The following AHSG variants were observed in gnomAD, a reference collection of about 807,000 sequenced individuals.
AHSG encodes alpha 2-HS glycoprotein.
AHSG carries 23 observed loss-of-function variants against 30.1 expected under a neutral mutation model. That is an observed-to-expected ratio of 0.76 (90% CI 0.55 to 1.08). AHSG has a LOEUF of 1.08. AHSG is among the 50% of genes least tolerant of loss of function. The pLI, the probability that AHSG is intolerant of heterozygous loss-of-function variation, is 0.00. For synonymous variants in AHSG, 164 were observed against 186.3 expected (o/e 0.88, Z 0.98); for missense variants, 469 against 459.5 (o/e 1.02, Z -0.19).
At chr3:186,618,442 T>C in intron 4 of AHSG, 94 bp from the exon 5 acceptor site, 1 of 1,555,048 alleles carries the variant, frequency 6.4e-7, no homozygotes, top group South Asian at 1.2e-5. Context: ...GCATGAATGG[T>C]GCTCCCCGAA....
intron 5 of AHSG, among the ~76,000 whole-genome samples, chr3:186,619,067 C>A (rs779922244): frequency 2.1e-4 from 32 of 152,108 alleles, no homozygotes; most frequent in Non-Finnish European, 3.2e-4. Context: ...GAGGCCAAGA[C>A]GGGTGGATCG....
Position 186,618,638 on chromosome 3 carries a change from GT to G in AHSG, c.675+2del. ...CAAGTGTAACCTGCTGGCAGAAAAG[GT>G]GAGTGGGCCGGGACCTTGGGGTGTT... On this transcript the variant is annotated splice_donor_variant, in intron 5 of 6. Coordinates refer to ENST00000411641, the MANE Select transcript of AHSG (RefSeq NM_001622.4). LOFTEE classifies it high-confidence loss of function. 1 of 1,613,914 alleles carries G rather than the reference GT, an allele frequency of 6.2e-7. No homozygotes were observed. The highest frequency in any genetic ancestry group is 8.5e-7 in the Non-Finnish European group (1 of 1,179,844).
Position 186,613,368 on chromosome 3 carries a change from C to T in AHSG, c.213+14C>T. On this transcript the variant is annotated intron_variant, in intron 1 of 6. Transcript: ENST00000411641. ...GTGTGGCCTCAGGTAAGTGGACCTG[C>T]TGTCTATGAGCTGAAATAATGTGTA... The T allele has an allele frequency of 6.3e-7, 1 of 1,599,606 alleles. No individual in the cohort carries two copies. The highest frequency in any genetic ancestry group is 8.5e-7 in the Non-Finnish European group (1 of 1,171,502).
chr3:186,613,106 C>T lies in AHSG; in HGVS notation c.-36C>T, dbSNP rs1195681211. The T allele has an allele frequency of 6.2e-7, 1 of 1,607,084 alleles. No homozygotes were observed. Among genetic ancestry groups the T allele is most frequent in the Non-Finnish European group, 8.5e-7 (1 of 1,174,984 alleles). On this transcript the variant is annotated 5_prime_UTR_variant, in exon 1 of 7. Coordinates refer to ENST00000411641, the MANE Select transcript of AHSG (RefSeq NM_001622.4). ...CTGGGTTGGTCCCGAAGCCTCCAACCACCTGCACGCCTGCCAGGGCCTCTC... is the reference window on the plus strand; with the variant it reads ...CTGGGTTGGTCCCGAAGCCTCCAACTACCTGCACGCCTGCCAGGGCCTCTC...
intron 4 of AHSG, chr3:186,618,004 G>T: frequency 6.2e-6 from 1 of 160,028 alleles, no homozygotes; most frequent in Non-Finnish European, 1.4e-5. Context: ...CCAAATAACA[G>T]ATATTTTATT....
rs1716481317 is a variant in AHSG at position 186,621,088 on chromosome 3, C to T, written c.*158C>T. 2 of 699,016 alleles carry T rather than the reference C, an allele frequency of 2.9e-6. No individual in the cohort carries two copies. Among genetic ancestry groups the T allele is most frequent in the Admixed American group, 5.6e-5 (2 of 35,912 alleles). 43.3% of individuals were successfully genotyped at this position (699,016 alleles called of 1,614,324 possible). ...CTTGACTCCCTACTTCCCGTCATTC[C>T]TCACAGGACAGAAGCAGAGTGGGTG... On this transcript the variant is annotated 3_prime_UTR_variant, in exon 7 of 7. Coordinates refer to ENST00000411641, the MANE Select transcript of AHSG (RefSeq NM_001622.4).
chr3:186,620,985 G>C lies in AHSG; in HGVS notation c.*55G>C. On this transcript the variant is annotated 3_prime_UTR_variant, in exon 7 of 7. Transcript: ENST00000411641. ...GCACAGAAAACATAGCCACCATTTT[G>C]TCCAAGCCTGGGCATGGGTGGGGGG... 1 of 1,548,496 alleles carries C rather than the reference G, an allele frequency of 6.5e-7. No individual in the cohort carries two copies. Among genetic ancestry groups the C allele is most frequent in the Middle Eastern group, 1.7e-4 (1 of 5,860 alleles).
At chr3:186,615,162 A>G (rs1716259626) in intron 1 of AHSG, among the ~76,000 whole-genome samples, 1 of 151,912 alleles carries the variant, frequency 6.6e-6, no homozygotes. Context: ...GGAGGAAGGA[A>G]GGAAAGCAAA....
intron 3 of AHSG, 36 bp from the exon 4 acceptor site, chr3:186,617,151 T>G (rs747538289): frequency 6.3e-7 from 1 of 1,584,342 alleles, no homozygotes; most frequent in Admixed American, 1.7e-5. Context: ...CCAGGGAGAA[T>G]GGCTGCCCAC....
Position 186,615,792 on chromosome 3 carries a change from G to C in AHSG, c.321G>C (p.Glu107Asp). The change falls in exon 2 of 7, where the codon GAG (glutamate) becomes GAC (aspartate). Residue 107 changes from glutamate (E) to aspartate (D), a missense_variant. Coordinates refer to ENST00000411641, the MANE Select transcript of AHSG (RefSeq NM_001622.4). ...VARCSVRQLKEHAVEGDCDFQ... is the reference protein window; with the variant it reads ...VARCSVRQLKDHAVEGDCDFQ... ...GATGCAGCGTGAGGCAGCTGAAGGA[G>C]CATGTGAGTACCCTTCTTAGGATGA... is the stretch of plus-strand genomic sequence containing the variant. The C allele has an allele frequency of 6.2e-7, 1 of 1,613,770 alleles. No individual in the cohort carries two copies. Among genetic ancestry groups the C allele is most frequent in the Non-Finnish European group, 8.5e-7 (1 of 1,179,622 alleles).
chr3:186,618,465 C>T, intron 4 of AHSG, 71 bp from the exon 5 acceptor site: 1 of 1,584,768 alleles, frequency 6.3e-7, no homozygotes, highest in African/African-American at 1.3e-5. Context: ...AGGCTACTTC[C>T]CGCTCTCCTT....
chr3:186,620,799 TC>T lies in AHSG; in HGVS notation c.974del (p.Ser325TyrfsTer85). The T allele has an allele frequency of 6.2e-7, 1 of 1,614,184 alleles. No homozygotes were observed. The highest frequency in any genetic ancestry group is 8.5e-7 in the Non-Finnish European group (1 of 1,180,036). ...GCGCCACACCTTCATGGGTGTGGTC[TC>T]ATTGGGGTCACCCTCAGGAGAAGTG... is the stretch of plus-strand genomic sequence containing the variant. Reference protein sequence around the residue: ...DLRHTFMGVVSLGSPSGEVSH... With the variant: ...DLRHTFMGVVXLGSPSGEVSH... On this transcript the variant is annotated frameshift_variant, in exon 7 of 7. Coordinates refer to ENST00000411641, the MANE Select transcript of AHSG (RefSeq NM_001622.4). LOFTEE classifies it low-confidence loss of function (END_TRUNC).
intron 6 of AHSG, 81 bp downstream of exon 6, chr3:186,620,021 C>A (rs1053998057): frequency 2.9e-6 from 3 of 1,049,964 alleles, no homozygotes; most frequent in Non-Finnish European, 1.4e-6. Flanking sequence ...GTAGTGATGA[C>A]AGGACATTTG....
At chr3:186,618,143 C>T (rs1716366218) in intron 4 of AHSG, among the ~76,000 whole-genome samples, 1 of 152,166 alleles carries the variant, frequency 6.6e-6, no homozygotes, top group Non-Finnish European at 1.5e-5. Context: ...CTTCACTTTC[C>T]CACCCTATTT....
Position 186,618,412 on chromosome 3 carries a change from T to C in AHSG, c.574-124T>C, listed in dbSNP as rs370125869. The stretch of plus-strand genomic sequence containing the variant: ...ATGTAAGCCATTGAGGGACATGTCT[T>C]CTGGGCCGACGCATGGTCTGCATGA... On this transcript the variant is annotated intron_variant, in intron 4 of 6. Coordinates refer to ENST00000411641, the MANE Select transcript of AHSG (RefSeq NM_001622.4). 8.9e-6 allele frequency: 13 copies of C among 1,466,748 alleles called. No individual in the cohort carries two copies. The African/African-American group carries it at 9.8e-5, about 11-fold the overall frequency. 90.9% of individuals were successfully genotyped at this position (1,466,748 alleles called of 1,614,324 possible).
Position 186,613,274 on chromosome 3 carries a change from A to G in AHSG, c.133A>G (p.Ile45Val), listed in dbSNP as rs775522111. The G allele has an allele frequency of 4.3e-6, 7 of 1,614,218 alleles. 1 individual carries two copies. The South Asian group carries it at 7.7e-5, about 18-fold the overall frequency. Residue 45 changes from isoleucine (I) to valine (V), a missense_variant, in exon 1 of 7, where the codon ATA (isoleucine) becomes GTA (valine). Transcript: ENST00000411641. The part of the protein sequence containing the change: ...PETEEAALVA[I>V]DYINQNLPWG... The stretch of plus-strand genomic sequence containing the variant: ...AACTGAGGAAGCAGCTCTGGTGGCT[A>G]TAGACTACATCAATCAAAACCTTCC...
At chr3:186,618,196 G>A (rs1275857888) in intron 4 of AHSG, among the ~76,000 whole-genome samples, 2 of 152,192 alleles carry the variant, frequency 1.3e-5, no homozygotes, top group African/African-American at 4.8e-5. Context: ...GCCCAAGAGT[G>A]AGGGCTGGGG....
rs1453949622 is a variant in AHSG at position 186,617,317 on chromosome 3, T to G, written c.540T>G (p.Phe180Leu). 1 of 1,614,198 alleles carries G rather than the reference T, an allele frequency of 6.2e-7. No homozygotes were observed. Among genetic ancestry groups the G allele is most frequent in the South Asian group, 1.1e-5 (1 of 91,084 alleles). ...AFNAQNNGSNFQLEEISRAQL... is the reference protein window; with the variant it reads ...AFNAQNNGSNLQLEEISRAQL... ...ACGCTCAGAACAACGGCTCCAATTT[T>G]CAGCTGGAGGAAATTTCCCGGGCTC... The change falls in exon 4 of 7, where the codon TTT becomes TTG. Residue 180 changes from phenylalanine to leucine, a missense_variant. Physicochemically the swap from Phe to Leu is conservative, Grantham distance 22. Transcript: ENST00000411641.
intron 1 of AHSG, 29 bp from the exon 2 acceptor site, chr3:186,615,656 G>A: frequency 6.3e-7 from 1 of 1,585,464 alleles, no homozygotes; most frequent in Non-Finnish European, 8.7e-7. Flanking sequence ...GGAATAGGTT[G>A]CTCACGGCTT....
Sources: allele counts gnomAD v4.1 joint callset (sites outside exome capture counted in the v4.1 genomes callset), GRCh38; gene constraint gnomAD v4.1.1; transcripts MANE v1.5; gene names NCBI Gene and HGNC (gene_info 2026-07-23, HGNC 2026-07-21).